Variants in ASPH observed in about 807,000 individuals in gnomAD.
The protein encoded by ASPH is aspartyl/asparaginyl beta-hydroxylase.
Under a neutral mutation model 118.4 loss-of-function variants are expected in ASPH, and 100 were observed. The observed-to-expected ratio is 0.84, with a 90% CI of 0.72 to 1.00. The LOEUF is 1.00. Among genes scored for constraint, ASPH ranks in the 50% least tolerant of loss-of-function variants. The pLI is 0.00. For missense variants in ASPH, 920 were observed against 919.5 expected, an observed-to-expected ratio of 1.00 and a Z score of -0.01; for synonymous variants, 315 against 325.6, an observed-to-expected ratio of 0.97 and a Z score of 0.35.
intron 24 of ASPH, among the ~76,000 whole-genome samples, chr8:61,507,633 C>G (rs189562928): frequency 2.2e-3 from 299 of 136,834 alleles, no homozygotes; most frequent in African/African-American, 7.9e-3. Flanking sequence ...AGGTTAAATT[C>G]GAGATGTATC....
At chr8:61,697,933 G>C (rs1834316251) in intron 1 of ASPH, among the ~76,000 whole-genome samples, 1 of 151,928 alleles carries the variant, frequency 6.6e-6, no homozygotes, top group Admixed American at 6.6e-5. Context: ...TGGGACCACA[G>C]GCATGCACCG....
chr8:61,607,368 T>G (rs1845894783), intron 14 of ASPH: 1 of 676,130 alleles, frequency 1.5e-6, no homozygotes, highest in Non-Finnish European at 2.7e-6. Context: ...TTTCTCCTAC[T>G]CCGTTCATCC....
rs4379440 is a variant in ASPH at position 61,553,255 on chromosome 8, G to T, written c.1537-135C>A. ...AAAATATATCTCCATATTAAACTTTGGGAATGAGGTTACTGGTCAACATTT... is the reference window on the plus strand; with the variant it reads ...AAAATATATCTCCATATTAAACTTTTGGAATGAGGTTACTGGTCAACATTT... On this transcript the variant is annotated intron_variant, in intron 19 of 24. Transcript: ENST00000379454. 0.12 allele frequency: 75,301 copies of T among 624,516 alleles called. 9,481 individuals carry two copies. The highest frequency in any genetic ancestry group is 0.46 in the African/African-American group (24,546 of 53,680). 38.7% of individuals were successfully genotyped at this position (624,516 alleles called of 1,614,324 possible).
At chr8:61,710,077 C>T (rs989900619) in intron 1 of ASPH, among the ~76,000 whole-genome samples, 2 of 152,206 alleles carry the variant, frequency 1.3e-5, no homozygotes, top group African/African-American at 4.8e-5. Flanking sequence ...TTTGCACTCA[C>T]CCCTACTATT....
At position 61,684,055 on chromosome 8, in the gene ASPH, G is replaced by C; in HGVS notation, c.237C>G (p.Asp79Glu). Residue 79 changes from aspartate (D) to glutamate (E), a missense_variant, in exon 2 of 25, where the codon GAC becomes GAG. Transcript: ENST00000379454. ...SVAVVWFDLV[D>E]YEEVLGKLGI... Reference sequence around the variant, plus strand: ...AATTCTTACCTAGAACTTCCTCATAGTCAACAAGATCAAACCAAACGACAG... The same window carrying C: ...AATTCTTACCTAGAACTTCCTCATACTCAACAAGATCAAACCAAACGACAG... The C allele has an allele frequency of 6.2e-7, 1 of 1,613,412 alleles. No homozygotes were observed. Among genetic ancestry groups the C allele is most frequent in the Non-Finnish European group, 8.5e-7 (1 of 1,179,602 alleles).
chr8:61,691,742 C>T (rs1832708802), intron 1 of ASPH, among the ~76,000 whole-genome samples: 2 of 152,188 alleles, frequency 1.3e-5, no homozygotes, highest in Non-Finnish European at 2.9e-5. Flanking sequence ...CCTGAATTTC[C>T]TTGCTTATAA....
chr8:61,646,705 C>A, intron 6 of ASPH, 45 bp downstream of exon 6: 1 of 1,565,136 alleles, frequency 6.4e-7, no homozygotes, highest in African/African-American at 1.4e-5. Flanking sequence ...AATTAGAAGT[C>A]ATTGATTATA....
chr8:61,653,497 A>T (rs750909934), intron 4 of ASPH, 71 bp downstream of exon 4: 12 of 1,436,780 alleles, frequency 8.4e-6, no homozygotes, highest in Middle Eastern at 1.8e-4. Context: ...GTAAAACGTG[A>T]TTCTGTAAAT....
At chr8:61,648,053 G>A (rs937738534) in intron 5 of ASPH, among the ~76,000 whole-genome samples, 2 of 152,168 alleles carry the variant, frequency 1.3e-5, no homozygotes, top group African/African-American at 2.4e-5. Context: ...ATGCATGGCT[G>A]TAGATTCAGG....
intron 10 of ASPH, 111 bp from the exon 11 acceptor site, chr8:61,638,474 G>C: frequency 1.1e-6 from 1 of 947,424 alleles, no homozygotes; most frequent in African/African-American, 1.7e-5. Flanking sequence ...AACCTGCAAG[G>C]TTCAGTCACT....
rs563480885 is a variant in ASPH, at chr8:61,557,573, C to A, written c.1438-1551G>T. The stretch of plus-strand genomic sequence containing the variant: ...TCTCCAACTTCTTTACCTTGTCTCA[C>A]TTTTCTTCATAGCACTTATCACCGT... On this transcript the variant is annotated intron_variant, in intron 18 of 24. Transcript: ENST00000379454. Among the ~76,000 whole-genome samples the A allele has an allele frequency of 7.2e-5, 11 of 152,362 alleles. 1 individual carries two copies. The highest frequency in any genetic ancestry group is 1.7e-4 in the African/African-American group (7 of 41,590).
chr8:61,653,094 T>C (rs745632597), intron 4 of ASPH, among the ~76,000 whole-genome samples: 1 of 152,210 alleles, frequency 6.6e-6, no homozygotes, highest in Non-Finnish European at 1.5e-5. Context: ...TATGAACCCA[T>C]GTGGACACAA....
At position 61,539,699 on chromosome 8, in the gene ASPH, G is replaced by GTGTGTGTGTGTGTGTGTGT. The variant is rs1554618408; in HGVS notation, c.1764+8371_1764+8372insACACACACACACACACACA. ...TGTGATGGTCACCTAACACTTCTGG[G>GTGTGTGTGTGTGTGTGTGT]GTGTGTGTGTGTGTGTGTGTGTGTG... On this transcript the variant is annotated intron_variant, in intron 21 of 24. Transcript: ENST00000379454. Among the ~76,000 whole-genome samples the GTGTGTGTGTGTGTGTGTGT allele has an allele frequency of 7.3e-4, 91 of 124,308 alleles. 1 individual carries two copies. The highest frequency in any genetic ancestry group is 1.9e-3 in the Admixed American group (22 of 11,752). The allele number at this position is 124,308 out of a possible 152,430, so 81.6% of individuals were successfully genotyped here. A position where few individuals can be genotyped will look rare whatever the true frequency, so the allele number is the denominator to read the frequency against.
At chr8:61,623,454 C>T (rs1302984707) in intron 13 of ASPH, among the ~76,000 whole-genome samples, 1 of 152,166 alleles carries the variant, frequency 6.6e-6, no homozygotes, top group Non-Finnish European at 1.5e-5. Flanking sequence ...AATCCCTTGA[C>T]AGATGGGTAG....
chr8:61,529,971 T>C (rs1203972794), intron 21 of ASPH, among the ~76,000 whole-genome samples: 1 of 152,210 alleles, frequency 6.6e-6, no homozygotes, highest in East Asian at 1.9e-4. Context: ...CAAATTTCAA[T>C]AGATGAATGT....
chr8:61,567,764 C>G (rs918428014), intron 16 of ASPH, among the ~76,000 whole-genome samples: 5 of 152,150 alleles, frequency 3.3e-5, no homozygotes, highest in African/African-American at 1.2e-4. Flanking sequence ...TTTGCTTCTA[C>G]TTTGCATCCA....
At chr8:61,526,238 A>G in intron 21 of ASPH, 126 bp from the exon 22 acceptor site, 1 of 1,283,148 alleles carries the variant, frequency 7.8e-7, no homozygotes, top group Admixed American at 2.5e-5. Flanking sequence ...TAGATTGCTT[A>G]TATTTCAATT....
chr8:61,667,465 C>G (rs1258788353), intron 3 of ASPH, among the ~76,000 whole-genome samples: 1 of 152,126 alleles, frequency 6.6e-6, no homozygotes, highest in Non-Finnish European at 1.5e-5. Flanking sequence ...CTCCCGGGTT[C>G]AAGCGATTCT....
Position 61,603,191 on chromosome 8 carries a change from CAAAAAAAAAAA to C in ASPH, c.976+15776_976+15786del, listed in dbSNP as rs11336705. Among the ~76,000 whole-genome samples, 50 of 61,374 alleles carry C rather than the reference CAAAAAAAAAAA, an allele frequency of 8.1e-4. 1 individual carries two copies. In the South Asian group the frequency reaches 0.027, roughly 33 times the overall value. The allele number at this position is 61,374 out of a possible 152,430, so 40.3% of individuals were successfully genotyped here. A position where few individuals can be genotyped will look rare whatever the true frequency, so the allele number is the denominator to read the frequency against. On this transcript the variant is annotated intron_variant, in intron 14 of 24. Coordinates refer to ENST00000379454, the MANE Select transcript of ASPH (RefSeq NM_004318.4). ...CTGGGTGACAGAGTGAGACTTGTCT[CAAAAAAAAAAA>C]AAAAAAAAAAAAAAAAGAGAAAAGA...
Sources: allele counts gnomAD v4.1 joint callset (sites outside exome capture counted in the v4.1 genomes callset), GRCh38; gene constraint gnomAD v4.1.1; transcripts MANE v1.5; gene names NCBI Gene and HGNC (gene_info 2026-07-23, HGNC 2026-07-21).